The following TP73 variants were observed in gnomAD, a reference collection of about 807,000 sequenced individuals.
TP73 encodes the protein tumor protein p73.
In TP73, 25 loss-of-function variants were observed where a neutral mutation model predicts 62.5. The ratio of observed to expected loss-of-function variants is 0.40; its 90% CI spans 0.29 to 0.56. The LOEUF (loss-of-function observed/expected upper bound fraction) is 0.56. TP73 is among the 20% of genes least tolerant of loss of function. TP73 has a pLI of 0.46. For synonymous variants in TP73, 423 were observed against 377.5 expected, an observed-to-expected ratio of 1.12 and a Z score of -1.40; for missense variants, 754 against 913.3, an observed-to-expected ratio of 0.83 and a Z score of 2.25.
rs1036705780 is a variant in TP73, at chr1:3,663,197, C to T, written c.-34+10556C>T. Among the ~76,000 whole-genome samples the T allele has an allele frequency of 6.6e-5, 10 of 152,182 alleles. 1 individual carries two copies. The highest frequency in any genetic ancestry group is 4.2e-4 in the South Asian group (2 of 4,806). On this transcript the variant is annotated intron_variant, in intron 1 of 13. Coordinates refer to ENST00000378295, the MANE Select transcript of TP73 (RefSeq NM_005427.4). This position sits in a 1 kb window ranked among gnomAD's most constrained non-coding sequence, Gnocchi z 4.7. ...CTCTTCTTCACGAGGCTGGTGGCTGCGGCACCTACAAAGACAGGTTAACAA... is the reference window on the plus strand; with the variant it reads ...CTCTTCTTCACGAGGCTGGTGGCTGTGGCACCTACAAAGACAGGTTAACAA...
At chr1:3,713,496 G>T (rs941616544) in intron 4 of TP73, among the ~76,000 whole-genome samples, 2 of 152,148 alleles carry the variant, frequency 1.3e-5, no homozygotes, top group African/African-American at 4.8e-5. Flanking sequence ...TCGGGGCAAG[G>T]TGGGGGGCTC....
In TP73 at chr1:3,727,976, C is replaced by T. The variant is rs1271144536; in HGVS notation, c.986-153C>T. On this transcript the variant is annotated intron_variant, in intron 8 of 13. Coordinates refer to ENST00000378295, the MANE Select transcript of TP73 (RefSeq NM_005427.4). ...GGCACCTCAGAGGCCTGGGTGGCACCGCAGGTTTGCCCGTCCCTGTGGGTT... is the reference window on the plus strand; with the variant it reads ...GGCACCTCAGAGGCCTGGGTGGCACTGCAGGTTTGCCCGTCCCTGTGGGTT... 5.3e-5 allele frequency among the ~76,000 whole-genome samples: 8 copies of T among 152,184 alleles called. No homozygotes were observed. The East Asian group carries it at 5.8e-4, about 11-fold the overall frequency.
At chr1:3,709,273 G>A (rs1639937179) in intron 4 of TP73, among the ~76,000 whole-genome samples, 1 of 152,200 alleles carries the variant, frequency 6.6e-6, no homozygotes, top group African/African-American at 2.4e-5. Context: ...GGCTCTGTGG[G>A]CTGTTGGGCT....
chr1:3,681,547 G>A (rs1036685166), intron 1 of TP73, among the ~76,000 whole-genome samples: 6 of 152,184 alleles, frequency 3.9e-5, no homozygotes, highest in Non-Finnish European at 5.9e-5. Context: ...TTCTCAAGGC[G>A]TGACCACCCA....
In TP73 at chr1:3,701,940, C is replaced by T. The variant is rs539929985; in HGVS notation, c.187-5609C>T. Among the ~76,000 whole-genome samples, 2 of 152,264 alleles carry T rather than the reference C, an allele frequency of 1.3e-5. No individual in the cohort carries two copies. The highest frequency in any genetic ancestry group is 3.9e-4 in the East Asian group (2 of 5,178). ...CTCCTGACCTCAGAGCCCTGCTTGG[C>T]CCCCCAGGTCCCTGGGAGGTCTCTC... On this transcript the variant is annotated intron_variant, in intron 3 of 13. Transcript: ENST00000378295. This position sits in a 1 kb window ranked among gnomAD's most constrained non-coding sequence, Gnocchi z 4.7.
Position 3,655,430 on chromosome 1 carries a change from C to T in TP73, c.-34+2789C>T, listed in dbSNP as rs377477271. Among the ~76,000 whole-genome samples the T allele has an allele frequency of 5.3e-4, 80 of 152,300 alleles. No homozygotes were observed. The Middle Eastern group carries it at 0.014, about 26-fold the overall frequency. On this transcript the variant is annotated intron_variant, in intron 1 of 13. Transcript: ENST00000378295. Reference sequence around the variant, plus strand: ...TACTTTTGGTGTGTGTTTCATGTAACGAGCTGCCATTTTGCGGCTTGCCTT... The same window carrying T: ...TACTTTTGGTGTGTGTTTCATGTAATGAGCTGCCATTTTGCGGCTTGCCTT...
At chr1:3,712,051 G>A (rs141447953) in intron 4 of TP73, 22 of 152,224 alleles carry the variant, frequency 1.4e-4, no homozygotes, top group African/African-American at 5.1e-4. Flanking sequence ...CCAGCGCCTC[G>A]GAGGCTTGCA....
At chr1:3,691,007 G>A (rs1284269255) in intron 3 of TP73, 2 of 1,550,340 alleles carry the variant, frequency 1.3e-6, no homozygotes, top group Non-Finnish European at 1.7e-6. Flanking sequence ...TTGCTGCAGT[G>A]TAGGGTTCAG....
chr1:3,721,949 C>A, intron 4 of TP73, 72 bp from the exon 5 acceptor site: 1 of 1,488,768 alleles, frequency 6.7e-7, no homozygotes, highest in Non-Finnish European at 9.0e-7. Context: ...ACGTGGCTCC[C>A]AATGGGGGGT....
At chr1:3,654,683 C>T (rs1644828960) in intron 1 of TP73, among the ~76,000 whole-genome samples, 1 of 152,192 alleles carries the variant, frequency 6.6e-6, no homozygotes, top group South Asian at 2.1e-4. Flanking sequence ...GCTGGGAGAG[C>T]CAGGAGCCCT....
At chr1:3,674,793 G>A (rs561380632) in intron 1 of TP73, among the ~76,000 whole-genome samples, 2 of 152,310 alleles carry the variant, frequency 1.3e-5, no homozygotes, top group South Asian at 4.1e-4. Context: ...CCAGGAGGCT[G>A]GGCTCTGATG....
intron 3 of TP73, among the ~76,000 whole-genome samples, chr1:3,704,927 A>T (rs1639502292): frequency 6.6e-6 from 1 of 152,220 alleles, no homozygotes; most frequent in Non-Finnish European, 1.5e-5. Flanking sequence ...GAGGAGCAGG[A>T]GTAGCCTTTC....
At chr1:3,724,887 C>T (rs1219961417) in intron 6 of TP73, among the ~76,000 whole-genome samples, 5 of 152,190 alleles carry the variant, frequency 3.3e-5, no homozygotes, top group African/African-American at 9.7e-5. Flanking sequence ...AGCCTCGTGG[C>T]GCATGCCTGT....
At position 3,672,826 on chromosome 1, in the gene TP73, G is replaced by T. The variant is rs1645272660; in HGVS notation, c.-33-9507G>T. Among the ~76,000 whole-genome samples the T allele has an allele frequency of 6.6e-6, 1 of 151,646 alleles. No homozygotes were observed. Among genetic ancestry groups the T allele is most frequent in the Non-Finnish European group, 1.5e-5 (1 of 67,900 alleles). Reference sequence around the variant, plus strand: ...TCGTCCCCCCAAGGGCCATGTCCCTGCCCACCCCTTCCACCCCTTTCTTAG... The same window carrying T: ...TCGTCCCCCCAAGGGCCATGTCCCTTCCCACCCCTTCCACCCCTTTCTTAG... On this transcript the variant is annotated intron_variant, in intron 1 of 13. Transcript: ENST00000378295. The surrounding 1 kb of genome is among the most constrained non-coding windows in gnomAD (Gnocchi z 5.3).
intron 1 of TP73, chr1:3,668,800 G>A (rs1645177353): frequency 6.6e-6 from 1 of 152,376 alleles, no homozygotes; most frequent in African/African-American, 2.4e-5. Context: ...TGTCCACAAT[G>A]AGGAGTAGAA....
rs1465347069 is a variant in TP73 at position 3,663,948 on chromosome 1, G to A, written c.-34+11307G>A. On this transcript the variant is annotated intron_variant, in intron 1 of 13. Transcript: ENST00000378295. This position sits in a 1 kb window ranked among gnomAD's most constrained non-coding sequence, Gnocchi z 4.7. ...GTTTTGGGGTAGTGGTATGTCTTGA[G>A]CCCAATCAGTACCCTGGGGGTCGTG... Among the ~76,000 whole-genome samples, 1 of 152,164 alleles carries A rather than the reference G, an allele frequency of 6.6e-6. No individual in the cohort carries two copies. Among genetic ancestry groups the A allele is most frequent in the Non-Finnish European group, 1.5e-5 (1 of 68,024 alleles).
intron 1 of TP73, among the ~76,000 whole-genome samples, chr1:3,665,198 T>C (rs1645083854): frequency 6.6e-6 from 1 of 152,158 alleles, no homozygotes; most frequent in Non-Finnish European, 1.5e-5. Flanking sequence ...CGAGGCATGC[T>C]CCAACTTGCT....
intron 3 of TP73, chr1:3,690,767 C>A: frequency 6.8e-7 from 1 of 1,480,286 alleles, no homozygotes; most frequent in South Asian, 1.3e-5. Context: ...TCCTGCCTCA[C>A]TAGCTGCGGA....
At position 3,682,380 on chromosome 1, in the gene TP73, C is replaced by A; in HGVS notation, c.15C>A (p.Thr5=). The change falls in exon 2 of 14, where the codon ACC becomes ACA. Residue 5 remains threonine, a synonymous_variant. Transcript: ENST00000378295. MAQS[T]ATSPDGGTTF... is the part of the protein sequence containing the mutation. ...GCGTGGGGAAGATGGCCCAGTCCAC[C>A]GCCACCTCCCCTGATGGGGGCACCA... The A allele has an allele frequency of 6.4e-7, 1 of 1,558,224 alleles. No homozygotes were observed. The highest frequency in any genetic ancestry group is 1.8e-5 in the Admixed American group (1 of 54,260).
Sources: gnomAD v4.1 joint callset for allele counts (sites outside exome capture counted in the v4.1 genomes callset) on GRCh38, gnomAD v4.1.1 for gene constraint, Gnocchi (gnomAD v3.1) non-coding constraint, MANE v1.5 for transcripts, NCBI Gene and HGNC (gene_info 2026-07-23, HGNC 2026-07-21) for gene names.